The following CADM2 variants were observed in gnomAD, a reference collection of about 807,000 sequenced individuals.
CADM2 encodes the protein cell adhesion molecule 2, also known as immunoglobulin superfamily member 4D.
CADM2 carries 12 observed loss-of-function variants against 49.8 expected under a neutral mutation model. The observed-to-expected ratio is 0.24, with a 90% CI of 0.15 to 0.39. CADM2 has a LOEUF of 0.39. Ranked by LOEUF, CADM2 falls within the 10% of genes least tolerant of loss-of-function variation. The pLI, the probability that CADM2 is intolerant of heterozygous loss-of-function variation, is 1.00. For synonymous variants in CADM2, 214 were observed against 175.4 expected, an observed-to-expected ratio of 1.22 and a Z score of -1.74; for missense variants, 378 against 492.3, an observed-to-expected ratio of 0.77 and a Z score of 2.20.
intron 6 of CADM2, among the ~76,000 whole-genome samples, chr3:85,922,610 T>C (rs1719274666): frequency 1.3e-5 from 2 of 151,884 alleles, no homozygotes; most frequent in African/African-American, 4.8e-5. Flanking sequence ...AAATAATGAG[T>C]CAAGCTTCAA....
chr3:86,037,040 A>T (rs570493990), intron 8 of CADM2, among the ~76,000 whole-genome samples: 29 of 152,104 alleles, frequency 1.9e-4, no homozygotes, highest in Admixed American at 1.8e-3. Flanking sequence ...TTATCTTCTA[A>T]TTTTTAACCA....
chr3:85,238,054 T>C (rs1271749200), intron 1 of CADM2, among the ~76,000 whole-genome samples: 1 of 151,988 alleles, frequency 6.6e-6, no homozygotes, highest in Non-Finnish European at 1.5e-5. Flanking sequence ...CTACTTGATA[T>C]TGAGAATGTA....
intron 1 of CADM2, among the ~76,000 whole-genome samples, chr3:85,243,141 A>C (rs1278278646): frequency 2.0e-5 from 3 of 151,998 alleles, no homozygotes; most frequent in Admixed American, 1.3e-4. Context: ...ATTGTATTAA[A>C]TGGAAAGTTT....
chr3:85,876,271 A>G (rs1350553199), intron 3 of CADM2, among the ~76,000 whole-genome samples: 1 of 152,184 alleles, frequency 6.6e-6, no homozygotes, highest in Admixed American at 6.6e-5. Context: ...TCTATAAAAT[A>G]TAATGAATTA....
chr3:85,685,828 G>A (rs1480851196), intron 1 of CADM2, among the ~76,000 whole-genome samples: 1 of 151,336 alleles, frequency 6.6e-6, no homozygotes, highest in Non-Finnish European at 1.5e-5. Context: ...GTTTCATCAT[G>A]TTGGGTAGCC....
chr3:85,519,296 C>T (rs1398769877), intron 1 of CADM2, among the ~76,000 whole-genome samples: 1 of 151,996 alleles, frequency 6.6e-6, no homozygotes, highest in Non-Finnish European at 1.5e-5. Flanking sequence ...GTAAAGAATA[C>T]AAAATAAATA....
intron 1 of CADM2, among the ~76,000 whole-genome samples, chr3:85,550,473 G>A (rs1288601048): frequency 1.3e-5 from 2 of 152,178 alleles, no homozygotes; most frequent in Non-Finnish European, 2.9e-5. Flanking sequence ...TATTGAATCA[G>A]AAATTTGTGA....
chr3:85,884,726 CTTT>C (rs954806418), intron 4 of CADM2, among the ~76,000 whole-genome samples: 10 of 138,330 alleles, frequency 7.2e-5, no homozygotes, highest in African/African-American at 1.1e-4. Flanking sequence ...TATTCTTCTT[CTTT>C]TTTTTTTTTT....
Position 85,821,851 on chromosome 3 carries a change from CTTA to C in CADM2, c.238+19662_238+19664del, listed in dbSNP as rs1280024500. Among the ~76,000 whole-genome samples the C allele has an allele frequency of 3.9e-5, 6 of 152,052 alleles. No individual in the cohort carries two copies. In the South Asian group the frequency reaches 8.3e-4, roughly 21 times the overall value. ...AAGGCATTCAAAATGCAAGTTTCAG[CTTA>C]TTATTAGGTTCTGCAAATATAACAT... On this transcript the variant is annotated intron_variant, in intron 3 of 9. Coordinates refer to ENST00000383699, the MANE Select transcript of CADM2 (RefSeq NM_001167675.2).
At chr3:85,109,220 A>G (rs1002096095) in intron 1 of CADM2, among the ~76,000 whole-genome samples, 2 of 152,038 alleles carry the variant, frequency 1.3e-5, no homozygotes, top group Non-Finnish European at 2.9e-5. Flanking sequence ...AGCTATCCTC[A>G]AACTACAAGA....
intron 1 of CADM2, among the ~76,000 whole-genome samples, chr3:85,442,473 T>TA (rs869070600): frequency 1.0e-5 from 1 of 95,460 alleles, no homozygotes; most frequent in Non-Finnish European, 2.4e-5. Flanking sequence ...CAAAGAAAAA[T>TA]AATAATTCAC....
At chr3:85,396,241 C>G (rs1250701994) in intron 1 of CADM2, among the ~76,000 whole-genome samples, 1 of 151,532 alleles carries the variant, frequency 6.6e-6, no homozygotes, top group Non-Finnish European at 1.5e-5. Flanking sequence ...TTCTTGCTTG[C>G]TGCTTGTGAT....
intron 1 of CADM2, among the ~76,000 whole-genome samples, chr3:85,220,362 A>G (rs1186601933): frequency 6.6e-6 from 1 of 152,184 alleles, no homozygotes; most frequent in Non-Finnish European, 1.5e-5. Flanking sequence ...GGATATAGAC[A>G]AAGACCAATA....
intron 3 of CADM2, among the ~76,000 whole-genome samples, chr3:85,854,527 G>T (rs1267992591): frequency 6.6e-6 from 1 of 152,148 alleles, no homozygotes; most frequent in African/African-American, 2.4e-5. Context: ...ACTAACAGAG[G>T]AGCAGAAAAC....
intron 2 of CADM2, among the ~76,000 whole-genome samples, chr3:85,767,519 T>G (rs1366860639): frequency 6.6e-6 from 1 of 152,128 alleles, no homozygotes; most frequent in Non-Finnish European, 1.5e-5. Flanking sequence ...ATACATGAAG[T>G]TTTCTTCTCA....
rs541095461 is a variant in CADM2 at position 85,542,350 on chromosome 3, A to C, written c.62-184172A>C. 3.9e-5 allele frequency among the ~76,000 whole-genome samples: 6 copies of C among 152,274 alleles called. No individual in the cohort carries two copies. In the East Asian group the frequency reaches 7.7e-4, roughly 20 times the overall value. ...AAACATTAATGAAATTGATTGAACA[A>C]AGACCTTTTGATTATGTTCTAGACA... On this transcript the variant is annotated intron_variant, in intron 1 of 9. Transcript: ENST00000383699.
chr3:85,618,876 A>C (rs767492417), intron 1 of CADM2, among the ~76,000 whole-genome samples: 6 of 152,040 alleles, frequency 3.9e-5, no homozygotes, highest in Non-Finnish European at 5.9e-5. Context: ...CAGGAATTTA[A>C]ATAATTATTT....
intron 2 of CADM2, among the ~76,000 whole-genome samples, chr3:85,771,269 G>A (rs2070071138): frequency 2.6e-5 from 4 of 151,892 alleles, no homozygotes; most frequent in Admixed American, 2.6e-4. Context: ...TAAACCCATT[G>A]GTCAATTCAC....
chr3:85,010,702 T>C (rs2033945301), intron 1 of CADM2, among the ~76,000 whole-genome samples: 1 of 151,956 alleles, frequency 6.6e-6, no homozygotes, highest in Admixed American at 6.6e-5. Context: ...GCAGGTATTA[T>C]GTCATATGCG....
Sources: allele counts gnomAD v4.1 joint callset (sites outside exome capture counted in the v4.1 genomes callset), GRCh38; gene constraint gnomAD v4.1.1; transcripts MANE v1.5; gene names NCBI Gene and HGNC (gene_info 2026-07-23, HGNC 2026-07-21).